Variants in SUPT7L observed in about 807,000 individuals in gnomAD.
SUPT7L encodes SPT7 like, STAGA complex subunit gamma, also known as STAGA complex 65 subunit gamma.
A neutral mutation model predicts 35.7 loss-of-function variants in SUPT7L; 15 were observed. That is an observed-to-expected ratio of 0.42 (90% confidence interval 0.28 to 0.65). SUPT7L has a LOEUF of 0.65. Ranked by LOEUF, SUPT7L falls within the 30% of genes least tolerant of loss-of-function variation. The probability of loss-of-function intolerance (pLI) is 0.23; values close to 1 mark genes in which losing one functional copy is unlikely to be tolerated. For missense variants in SUPT7L, 434 were observed against 522.2 expected (o/e 0.83, Z 1.65); for synonymous variants, 168 against 186.2 (o/e 0.90, Z 0.79).
chr2:27,652,854 A>G lies in SUPT7L; in HGVS notation c.*631T>C, dbSNP rs1199617040. 6.5e-6 allele frequency: 1 copy of G among 153,106 alleles called. No homozygotes were observed. Among genetic ancestry groups the G allele is most frequent in the African/African-American group, 2.4e-5 (1 of 41,472 alleles). The allele number at this position is 153,106 out of a possible 1,614,324, so 9.5% of individuals were successfully genotyped here. ...GAGATGGAGTAAGTCTAGAGAAGAA[A>G]ATAAATGGATGAGATAGAGAGCTGT... On this transcript the variant is annotated 3_prime_UTR_variant, in exon 6 of 6. Transcript: ENST00000337768.
chr2:27,655,557 CA>C lies in SUPT7L; in HGVS notation c.789del (p.Glu264ArgfsTer10). On this transcript the variant is annotated frameshift_variant, in exon 5 of 6. Coordinates refer to ENST00000337768, the MANE Select transcript of SUPT7L (RefSeq NM_014860.3). LOFTEE classifies it high-confidence loss of function. Reference protein sequence around the residue: ...LSEEYERIVNPEKATEDAKPV... With the variant: ...LSEEYERIVNXEKATEDAKPV... Reference sequence around the variant, plus strand: ...GGTTTAGCGTCCTCTGTGGCCTTCTCAGGATTGACAATCCTTTCATATTCTT... The same window carrying C: ...GGTTTAGCGTCCTCTGTGGCCTTCTCGGATTGACAATCCTTTCATATTCTT... The C allele has an allele frequency of 6.2e-7, 1 of 1,611,068 alleles. No individual in the cohort carries two copies. The highest frequency in any genetic ancestry group is 8.5e-7 in the Non-Finnish European group (1 of 1,178,974).
chr2:27,642,956 TATACACACACACAC>T, the SUPT7L span, among the ~76,000 whole-genome samples: 3 of 85,830 alleles, frequency 3.5e-5, no homozygotes, highest in East Asian at 6.2e-4. Context: ...TATATATATA[TATACACACACACAC>T]ACACACACAC....
intron 3 of SUPT7L, among the ~76,000 whole-genome samples, chr2:27,660,348 C>T (rs1224833940): frequency 6.6e-6 from 1 of 151,830 alleles, no homozygotes; most frequent in Non-Finnish European, 1.5e-5. Flanking sequence ...CTCAGCCTCC[C>T]GAGTAGCTGG....
downstream of SUPT7L, chr2:27,647,920 A>T: frequency 6.2e-7 from 1 of 1,610,650 alleles, no homozygotes; most frequent in Non-Finnish European, 8.5e-7. Context: ...GCAGACAGCG[A>T]TACTGATGAC....
Position 27,657,807 on chromosome 2 carries a change from A to C in SUPT7L, c.420-138T>G. The stretch of plus-strand genomic sequence containing the variant: ...AAATTCCATCCAAGTTACATAGCTC[A>C]GTTTCATCCTGCTGCTATCTGGGCA... On this transcript the variant is annotated intron_variant, in intron 3 of 5. Transcript: ENST00000337768. The surrounding 1 kb of genome is among the most constrained non-coding windows in gnomAD (Gnocchi z 5.2). 1 of 790,774 alleles carries C rather than the reference A, an allele frequency of 1.3e-6. No individual in the cohort carries two copies. Among genetic ancestry groups the C allele is most frequent in the Non-Finnish European group, 2.0e-6 (1 of 507,208 alleles). The allele number at this position is 790,774 out of a possible 1,614,324, so 49.0% of individuals were successfully genotyped here.
intron 2 of SUPT7L, 155 bp from the exon 3 acceptor site, chr2:27,661,543 T>C (rs1425817364): frequency 2.7e-5 from 39 of 1,440,178 alleles, no homozygotes; most frequent in Non-Finnish European, 3.2e-5. Flanking sequence ...AGTAGGCTAT[T>C]TGTGACCACT....
intron 5 of SUPT7L, among the ~76,000 whole-genome samples, chr2:27,654,779 G>T (rs1367722104): frequency 1.3e-5 from 2 of 152,066 alleles, no homozygotes; most frequent in African/African-American, 4.8e-5. Flanking sequence ...TGTTAGCCAG[G>T]ATGTTCTCGA....
At chr2:27,659,011 C>A (rs979931574) in intron 3 of SUPT7L, among the ~76,000 whole-genome samples, 1 of 152,014 alleles carries the variant, frequency 6.6e-6, no homozygotes, top group African/African-American at 2.4e-5. Context: ...AAATTTGATA[C>A]AAAACTAAAA....
Position 27,661,405 on chromosome 2 carries a change from AAGAAG to A in SUPT7L, c.15-22_15-18del, listed in dbSNP as rs1184768125. The A allele has an allele frequency of 2.5e-6, 4 of 1,612,804 alleles. No homozygotes were observed. Among genetic ancestry groups the A allele is most frequent in the African/African-American group, 1.3e-5 (1 of 74,916 alleles). On this transcript the variant is annotated intron_variant, in intron 2 of 5. Coordinates refer to ENST00000337768, the MANE Select transcript of SUPT7L (RefSeq NM_014860.3). The stretch of plus-strand genomic sequence containing the variant: ...CCCCAGTATCTCAACATTTTGGAAT[AAGAAG>A]AGAAGAGGTCTCAGGATAAATGTAG...
chr2:27,655,315 G>A, intron 5 of SUPT7L, 50 bp downstream of exon 5: 2 of 1,482,440 alleles, frequency 1.3e-6, no homozygotes, highest in Non-Finnish European at 1.8e-6. Flanking sequence ...AAAAAGTACT[G>A]AAATTGGCAG....
At position 27,651,755 on chromosome 2, in the gene SUPT7L, G is replaced by C. The variant is rs1375642900; in HGVS notation, c.*1730C>G. On this transcript the variant is annotated 3_prime_UTR_variant, in exon 6 of 6. Coordinates refer to ENST00000337768, the MANE Select transcript of SUPT7L (RefSeq NM_014860.3). The stretch of plus-strand genomic sequence containing the variant: ...ACCTAGCAAATAATTGGTACTCAAT[G>C]TTTGCTGGATGAATGAACTAAATTC... 6.6e-6 allele frequency: 1 copy of C among 152,210 alleles called. No homozygotes were observed. Among genetic ancestry groups the C allele is most frequent in the African/African-American group, 2.4e-5 (1 of 41,460 alleles). The allele number at this position is 152,210 out of a possible 1,614,324, so 9.4% of individuals were successfully genotyped here.
rs1037689285 is a variant in SUPT7L at position 27,652,473 on chromosome 2, T to C, written c.*1012A>G. On this transcript the variant is annotated 3_prime_UTR_variant, in exon 6 of 6. Coordinates refer to ENST00000337768, the MANE Select transcript of SUPT7L (RefSeq NM_014860.3). Reference sequence around the variant, plus strand: ...CAACACATTTGCTAATGATTCCTAATCACTACAGTGCTACATCATTTACTT... The same window carrying C: ...CAACACATTTGCTAATGATTCCTAACCACTACAGTGCTACATCATTTACTT... 1.3e-5 allele frequency: 2 copies of C among 152,384 alleles called. No homozygotes were observed. The highest frequency in any genetic ancestry group is 4.8e-5 in the African/African-American group (2 of 41,458). 9.4% of individuals were successfully genotyped at this position (152,384 alleles called of 1,614,324 possible). A position where few individuals can be genotyped will look rare whatever the true frequency, so the allele number is the denominator to read the frequency against.
At chr2:27,662,118 G>GA in intron 2 of SUPT7L, 61 bp downstream of exon 2, 1 of 1,613,450 alleles carries the variant, frequency 6.2e-7, no homozygotes, top group Non-Finnish European at 8.5e-7. Flanking sequence ...TTGCCTATTG[G>GA]AAAAAGTCAG....
chr2:27,647,373 CCT>C (rs1264347280), downstream of SUPT7L, among the ~76,000 whole-genome samples: 7 of 152,164 alleles, frequency 4.6e-5, no homozygotes, highest in African/African-American at 1.7e-4. Context: ...TAAATAATAC[CCT>C]GGCTCCTTGA....
At chr2:27,649,849 G>A (rs1180395152), downstream of SUPT7L, among the ~76,000 whole-genome samples, 1 of 152,116 alleles carries the variant, frequency 6.6e-6, no homozygotes, top group Admixed American at 6.5e-5. Context: ...TTGTGTAGAC[G>A]TATGTTTTCA....
Position 27,653,716 on chromosome 2 carries a change from A to G in SUPT7L, c.1014T>C (p.Asn338=). Residue 338 remains asparagine, a synonymous_variant, in exon 6 of 6, where the codon AAT becomes AAC. Coordinates refer to ENST00000337768, the MANE Select transcript of SUPT7L (RefSeq NM_014860.3). The part of the protein sequence containing the change: ...SAEVNASPLW[N]LAHVKMEPQE... The stretch of plus-strand genomic sequence containing the variant: ...GAGGCTCCATTTTCACATGGGCCAG[A>G]TTCCAAAGAGGAGAAGCATTTACCT... 1 of 1,614,244 alleles carries G rather than the reference A, an allele frequency of 6.2e-7. No individual in the cohort carries two copies. The highest frequency in any genetic ancestry group is 1.1e-5 in the South Asian group (1 of 91,090).
chr2:27,654,148 T>G (rs1674687059), intron 5 of SUPT7L, among the ~76,000 whole-genome samples: 1 of 152,210 alleles, frequency 6.6e-6, no homozygotes. Flanking sequence ...TTTTCCTGCC[T>G]TTTGTTTGGG....
rs1367453590 is a variant in SUPT7L at position 27,653,486 on chromosome 2, T to C, written c.1244A>G (p.Ter415=). 6.2e-7 allele frequency: 1 copy of C among 1,613,054 alleles called. No homozygotes were observed. The change falls in exon 6 of 6, where the codon TAA becomes TGA. Residue 415 remains the stop codon, a stop_retained_variant. Transcript: ENST00000337768. The stretch of plus-strand genomic sequence containing the variant: ...ACAAAACATCTCCCTCTTTTCCTTT[T>C]ATATTTTCCTCATCCTCTTCTTGCA... ...QRCKKRMRKI[*]
At chr2:27,656,051 G>A (rs551628012) in intron 4 of SUPT7L, among the ~76,000 whole-genome samples, 1 of 151,962 alleles carries the variant, frequency 6.6e-6, no homozygotes, top group African/African-American at 2.4e-5. Flanking sequence ...TGGGCATGGT[G>A]GTTCACATCT....
Sources: gnomAD v4.1 joint callset for allele counts (sites outside exome capture counted in the v4.1 genomes callset) on GRCh38, gnomAD v4.1.1 for gene constraint, Gnocchi (gnomAD v3.1) non-coding constraint, MANE v1.5 for transcripts, NCBI Gene and HGNC (gene_info 2026-07-23, HGNC 2026-07-21) for gene names.